RIMS2: variants seen among roughly 807,000 people sequenced by gnomAD.
RIMS2 encodes the protein regulating synaptic membrane exocytosis protein 2.
A neutral mutation model predicts 174.4 loss-of-function variants in RIMS2; 59 were observed. The ratio of observed to expected loss-of-function variants is 0.34; its 90% confidence interval spans 0.27 to 0.42. The LOEUF (loss-of-function observed/expected upper bound fraction) is 0.42. RIMS2 is among the 10% of genes least tolerant of loss of function. The pLI is 1.00. For synonymous variants in RIMS2, 606 were observed against 572.5 expected (o/e 1.06, Z -0.84); for missense variants, 1,620 against 1,666.3 (o/e 0.97, Z 0.48).
At chr8:103,920,374 C>T (rs1467914791) in intron 9 of RIMS2, among the ~76,000 whole-genome samples, 2 of 152,046 alleles carry the variant, frequency 1.3e-5, no homozygotes. Flanking sequence ...AGCTTAACAA[C>T]CTTTATTGTA....
At chr8:103,832,076 A>G (rs1336442131) in intron 3 of RIMS2, among the ~76,000 whole-genome samples, 1 of 152,126 alleles carries the variant, frequency 6.6e-6, no homozygotes, top group Non-Finnish European at 1.5e-5. Flanking sequence ...ATCTTATTTG[A>G]TATTAATATA....
chr8:103,909,164 T>C (rs2075139947), intron 4 of RIMS2, among the ~76,000 whole-genome samples: 1 of 152,168 alleles, frequency 6.6e-6, no homozygotes, highest in African/African-American at 2.4e-5. Context: ...ATCCCTACTC[T>C]GTTGTAAGCA....
chr8:103,532,518 C>T (rs1837658728), intron 1 of RIMS2, among the ~76,000 whole-genome samples: 1 of 152,184 alleles, frequency 6.6e-6, no homozygotes, highest in South Asian at 2.1e-4. Flanking sequence ...ATGGCCTTTA[C>T]ATGTTTAAAT....
intron 1 of RIMS2, among the ~76,000 whole-genome samples, chr8:103,511,556 C>T (rs1220416070): frequency 6.6e-6 from 1 of 151,968 alleles, no homozygotes; most frequent in African/African-American, 2.4e-5. Flanking sequence ...AAAAGATGCA[C>T]AGTAGTGTAT....
rs148169070 is a variant in RIMS2 at position 103,537,662 on chromosome 8, A to T, written c.176+36600A>T. Among the ~76,000 whole-genome samples, 297 of 152,252 alleles carry T rather than the reference A, an allele frequency of 2.0e-3. 2 individuals carry two copies. The highest frequency in any genetic ancestry group is 6.6e-3 in the African/African-American group (275 of 41,568). ...TTACCATGTCTGGCTTTACCAAGCCAGATCACTGGCTTTACCAAGTGATCA... is the reference window on the plus strand; with the variant it reads ...TTACCATGTCTGGCTTTACCAAGCCTGATCACTGGCTTTACCAAGTGATCA... On this transcript the variant is annotated intron_variant, in intron 1 of 23. Transcript: ENST00000504942.
intron 4 of RIMS2, among the ~76,000 whole-genome samples, chr8:103,903,735 A>G (rs1343824129): frequency 6.6e-6 from 1 of 151,982 alleles, no homozygotes; most frequent in African/African-American, 2.4e-5. Flanking sequence ...TGAAGCATTG[A>G]CCCTTCTCTA....
chr8:103,867,632 T>G (rs995338483), intron 3 of RIMS2, among the ~76,000 whole-genome samples: 8 of 151,958 alleles, frequency 5.3e-5, no homozygotes, highest in African/African-American at 1.9e-4. Flanking sequence ...ACAAAATTAG[T>G]TGTTCTACTT....
intron 1 of RIMS2, among the ~76,000 whole-genome samples, chr8:103,588,867 A>G (rs537239001): frequency 6.6e-6 from 1 of 152,022 alleles, no homozygotes; most frequent in South Asian, 2.1e-4. Context: ...TTCTTGAGTG[A>G]TATCCCACAA....
At chr8:103,889,509 T>C (rs1386926424) in intron 4 of RIMS2, among the ~76,000 whole-genome samples, 4 of 151,784 alleles carry the variant, frequency 2.6e-5, no homozygotes, top group Admixed American at 6.6e-5. Flanking sequence ...GGGAACATTA[T>C]CATTGCAGAA....
chr8:103,845,358 C>A (rs73293822), intron 3 of RIMS2, among the ~76,000 whole-genome samples: 7,379 of 152,018 alleles, frequency 0.049, 266 homozygotes, highest in African/African-American at 0.11. Context: ...GAAACTGCCA[C>A]CATTAATTAC....
At chr8:103,956,397 A>G (rs999366145) in intron 14 of RIMS2, among the ~76,000 whole-genome samples, 1 of 152,208 alleles carries the variant, frequency 6.6e-6, no homozygotes, top group African/African-American at 2.4e-5. Context: ...TGGTACCAAA[A>G]CAGATATATA....
intron 1 of RIMS2, among the ~76,000 whole-genome samples, chr8:103,590,156 C>T (rs762004306): frequency 8.6e-5 from 13 of 151,350 alleles, no homozygotes; most frequent in Non-Finnish European, 1.8e-4. Flanking sequence ...GTGCTTATTT[C>T]ATGTTGCATT....
rs76881849 is a variant in RIMS2, at chr8:104,036,525, G to T, written c.3334+21910G>T. Reference sequence around the variant, plus strand: ...GCATTTAAAAATGTATTATATGTTGGATTTCAAAGATAAAGTCAGGGAAAA... The same window carrying T: ...GCATTTAAAAATGTATTATATGTTGTATTTCAAAGATAAAGTCAGGGAAAA... On this transcript the variant is annotated intron_variant, in intron 19 of 23. Transcript: ENST00000504942. 4.5e-4 allele frequency among the ~76,000 whole-genome samples: 68 copies of T among 152,032 alleles called. No individual in the cohort carries two copies. The East Asian group carries it at 0.011, about 25-fold the overall frequency.
chr8:103,824,900 T>C (rs941351015), intron 3 of RIMS2, among the ~76,000 whole-genome samples: 1 of 152,222 alleles, frequency 6.6e-6, no homozygotes, highest in Non-Finnish European at 1.5e-5. Flanking sequence ...GGAAAACTGC[T>C]GCATTTAAGT....
chr8:103,628,358 T>C (rs1016843006), intron 1 of RIMS2, among the ~76,000 whole-genome samples: 1 of 150,676 alleles, frequency 6.6e-6, no homozygotes, highest in Admixed American at 6.6e-5. Flanking sequence ...ATCCCTGTTT[T>C]TTTTTTTTTT....
intron 17 of RIMS2, among the ~76,000 whole-genome samples, chr8:103,989,930 T>C (rs1439885539): frequency 2.0e-5 from 3 of 152,174 alleles, no homozygotes; most frequent in Non-Finnish European, 4.4e-5. Flanking sequence ...AGTAAACCTT[T>C]TAAGCATCTT....
intron 1 of RIMS2, among the ~76,000 whole-genome samples, chr8:103,674,611 A>C (rs1260164555): frequency 6.6e-6 from 1 of 152,026 alleles, no homozygotes; most frequent in African/African-American, 2.4e-5. Context: ...TTCTCACTAA[A>C]AACATATCTT....
chr8:103,776,122 C>T (rs2098313143), intron 3 of RIMS2, among the ~76,000 whole-genome samples: 1 of 152,108 alleles, frequency 6.6e-6, no homozygotes, highest in Non-Finnish European at 1.5e-5. Flanking sequence ...TTTGTACTTA[C>T]ATACTGCTGC....
chr8:103,626,556 T>A (rs540924837), intron 1 of RIMS2, among the ~76,000 whole-genome samples: 1 of 152,272 alleles, frequency 6.6e-6, no homozygotes, highest in African/African-American at 2.4e-5. Flanking sequence ...CACATAAAAG[T>A]GACACAACTG....
Sources: gnomAD v4.1 joint callset for allele counts (sites outside exome capture counted in the v4.1 genomes callset) on GRCh38, gnomAD v4.1.1 for gene constraint, MANE v1.5 for transcripts, NCBI Gene and HGNC (gene_info 2026-07-23, HGNC 2026-07-21) for gene names.